Variants in CPT1A observed in about 807,000 individuals in gnomAD.
CPT1A encodes carnitine palmitoyltransferase 1A.
A neutral mutation model predicts 100.8 loss-of-function variants in CPT1A; 64 were observed. The observed-to-expected ratio is 0.63, with a 90% CI of 0.52 to 0.78. CPT1A has a LOEUF of 0.78. Ranked by LOEUF, CPT1A falls within the 30% of genes least tolerant of loss-of-function variation. The pLI, the probability that CPT1A is intolerant of heterozygous loss-of-function variation, is 0.00. For missense variants in CPT1A, 802 were observed against 1,034.1 expected (o/e 0.78, Z 3.08); for synonymous variants, 363 against 396.0 (o/e 0.92, Z 0.99).
chr11:68,757,246 G>C lies in CPT1A; in HGVS notation c.*398C>G, dbSNP rs1039674784. The C allele has an allele frequency of 3.9e-6, 4 of 1,031,604 alleles. No individual in the cohort carries two copies. Among genetic ancestry groups the C allele is most frequent in the East Asian group, 7.2e-5 (1 of 13,966 alleles). 63.9% of individuals were successfully genotyped at this position (1,031,604 alleles called of 1,614,324 possible). On this transcript the variant is annotated 3_prime_UTR_variant, in exon 19 of 19. Transcript: ENST00000265641. The stretch of plus-strand genomic sequence containing the variant: ...TTTTAACAAAACAAAAGTTTACCCT[G>C]CTTGGATGATGCTAAATGCCCTTAA...
At chr11:68,839,486 C>T (rs1203726346) in intron 1 of CPT1A, 10 of 984,784 alleles carry the variant, frequency 1.0e-5, no homozygotes, top group Non-Finnish European at 1.2e-5. Flanking sequence ...CCACAGAGAC[C>T]TTCCGGAGCG....
At chr11:68,826,145 G>A (rs760278324) in intron 1 of CPT1A, among the ~76,000 whole-genome samples, 3 of 152,132 alleles carry the variant, frequency 2.0e-5, no homozygotes, top group Non-Finnish European at 4.4e-5. Flanking sequence ...ATGTACCCCC[G>A]CACTGAAAGC....
intron 1 of CPT1A, among the ~76,000 whole-genome samples, chr11:68,818,980 C>A (rs1461137042): frequency 1.3e-5 from 2 of 152,140 alleles, no homozygotes; most frequent in African/African-American, 4.8e-5. Context: ...GATCACCAAG[C>A]AGATGTTTGC....
rs756023642 is a variant in CPT1A at position 68,812,462 on chromosome 11, T to C, written c.256A>G (p.Lys86Glu). The change falls in exon 3 of 19, where the codon AAA becomes GAA. Residue 86 changes from lysine (K) to glutamate (E), a missense_variant. Lys to Glu is a moderately conservative substitution (Grantham distance 56). Transcript: ENST00000265641. ...GCCGTTTCCAGAGTCCGATTGATTT[T>C]TGCAATTATTCCTAACGAGGGGTCG... The part of the protein sequence containing the change: ...KIDPSLGIIA[K>E]INRTLETANC... The C allele has an allele frequency of 6.2e-7, 1 of 1,614,194 alleles. No individual in the cohort carries two copies. The highest frequency in any genetic ancestry group is 1.1e-5 in the South Asian group (1 of 91,078).
rs934874276 is a variant in CPT1A, at chr11:68,841,140, G to T, written c.-14+635C>A. 6.6e-6 allele frequency among the ~76,000 whole-genome samples: 1 copy of T among 152,250 alleles called. No homozygotes were observed. The highest frequency in any genetic ancestry group is 6.5e-5 in the Admixed American group (1 of 15,292). ...GGAGACGGACGCTGGGATGGGGTCA[G>T]CGGCGCCCTGCCGAATCCCGAGGGC... On this transcript the variant is annotated intron_variant, in intron 1 of 18. Coordinates refer to ENST00000265641, the MANE Select transcript of CPT1A (RefSeq NM_001876.4). This position sits in a 1 kb window ranked among gnomAD's most constrained non-coding sequence, Gnocchi z 6.3.
At chr11:68,786,329 C>G (rs1194899459) in intron 9 of CPT1A, among the ~76,000 whole-genome samples, 3 of 152,082 alleles carry the variant, frequency 2.0e-5, no homozygotes, top group Admixed American at 6.6e-5. Context: ...CCACTGCACT[C>G]CAGCCTGGGT....
rs962353427 is a variant in CPT1A, at chr11:68,841,695, C to T, written c.-14+80G>A. 2 of 793,806 alleles carry T rather than the reference C, an allele frequency of 2.5e-6. No homozygotes were observed. Among genetic ancestry groups the T allele is most frequent in the Non-Finnish European group, 3.1e-6 (2 of 654,444 alleles). The allele number at this position is 793,806 out of a possible 1,614,324, so 49.2% of individuals were successfully genotyped here. A position where few individuals can be genotyped will look rare whatever the true frequency, so the allele number is the denominator to read the frequency against. On this transcript the variant is annotated intron_variant, in intron 1 of 18. Coordinates refer to ENST00000265641, the MANE Select transcript of CPT1A (RefSeq NM_001876.4). This position sits in a 1 kb window ranked among gnomAD's most constrained non-coding sequence, Gnocchi z 6.3. ...CCACCCGGTCCGGTTCCCGGCAGCC[C>T]CGCGCCCCGCCCGTCCCCGGCCCCC...
At chr11:68,803,643 G>A (rs1471644918) in intron 5 of CPT1A, among the ~76,000 whole-genome samples, 2 of 151,794 alleles carry the variant, frequency 1.3e-5, no homozygotes, top group African/African-American at 4.8e-5. Context: ...CCTGGGAGGC[G>A]GAGGTTGCAG....
At position 68,784,836 on chromosome 11, in the gene CPT1A, G is replaced by A. The variant is rs1281807442; in HGVS notation, c.1142C>T (p.Ala381Val). 6.2e-7 allele frequency: 1 copy of A among 1,611,350 alleles called. No homozygotes were observed. The highest frequency in any genetic ancestry group is 8.5e-7 in the Non-Finnish European group (1 of 1,179,976). The change falls in exon 10 of 19, where the codon GCA (alanine) becomes GTA (valine). Residue 381 changes from alanine (A) to valine (V), a missense_variant. Ala to Val is a moderately conservative substitution (Grantham distance 64). This residue lies in a region of CPT1A where 627 missense variants were observed against 799.3 expected (regional missense o/e 0.78). Transcript: ENST00000265641. ...GCACCTGTCTCCTGCGGTGAGGGCT[G>A]CCAGCCTGGCCTCCCCGGGCTGAGG... ...SEPQPGEARLAALTAGDRVPW... is the reference protein window; with the variant it reads ...SEPQPGEARLVALTAGDRVPW...
At chr11:68,796,154 G>C (rs537451268) in intron 7 of CPT1A, among the ~76,000 whole-genome samples, 1 of 152,140 alleles carries the variant, frequency 6.6e-6, no homozygotes, top group Non-Finnish European at 1.5e-5. Flanking sequence ...AGGGTGAAGC[G>C]CAGCGCACTG....
At chr11:68,769,968 G>A (rs1396084104) in intron 14 of CPT1A, among the ~76,000 whole-genome samples, 1 of 151,586 alleles carries the variant, frequency 6.6e-6, no homozygotes, top group African/African-American at 2.4e-5. Context: ...AGAATCACTT[G>A]AACCTGGGAG....
At chr11:68,760,544 T>G (rs1594315580) in intron 16 of CPT1A, among the ~76,000 whole-genome samples, 1 of 145,930 alleles carries the variant, frequency 6.9e-6, no homozygotes, top group African/African-American at 2.6e-5. Context: ...GGGCAGGGAG[T>G]GCAGGGTGGG....
At chr11:68,817,481 A>G (rs1217289679) in intron 1 of CPT1A, among the ~76,000 whole-genome samples, 1 of 152,160 alleles carries the variant, frequency 6.6e-6, no homozygotes, top group African/African-American at 2.4e-5. Flanking sequence ...CCCACAGCTT[A>G]GACCGGGCTA....
intron 7 of CPT1A, among the ~76,000 whole-genome samples, chr11:68,795,278 G>A (rs982227820): frequency 2.6e-5 from 4 of 152,198 alleles, no homozygotes; most frequent in African/African-American, 9.6e-5. Context: ...ATATAGAGCT[G>A]TGCCTGCAGC....
intron 1 of CPT1A, among the ~76,000 whole-genome samples, chr11:68,831,870 C>A (rs1015119599): frequency 6.6e-6 from 1 of 151,934 alleles, no homozygotes; most frequent in Non-Finnish European, 1.5e-5. Flanking sequence ...TGACCCCAAG[C>A]GATCCGTCTG....
chr11:68,785,196 A>T (rs746858979), intron 9 of CPT1A, among the ~76,000 whole-genome samples, 186 bp from the exon 10 acceptor site: 1 of 152,162 alleles, frequency 6.6e-6, no homozygotes, highest in Non-Finnish European at 1.5e-5. Context: ...AAAGCTCTGG[A>T]TCGGAGAGGC....
intron 14 of CPT1A, among the ~76,000 whole-genome samples, chr11:68,771,829 C>T (rs553368849): frequency 6.6e-6 from 1 of 152,360 alleles, no homozygotes; most frequent in South Asian, 2.1e-4. Context: ...CTGGCAAGCA[C>T]CTGGCCTCTC....
rs144747588 is a variant in CPT1A at position 68,762,657 on chromosome 11, G to C, written c.1845C>G (p.Phe615Leu). 6.2e-7 allele frequency: 1 copy of C among 1,613,892 alleles called. No homozygotes were observed. The highest frequency in any genetic ancestry group is 1.1e-5 in the South Asian group (1 of 91,068). The change falls in exon 15 of 19, where the codon TTC (phenylalanine) becomes TTG (leucine). Residue 615 changes from phenylalanine to leucine, a missense_variant. This residue lies in a region of CPT1A where 627 missense variants were observed against 799.3 expected (regional missense o/e 0.78). Coordinates refer to ENST00000265641, the MANE Select transcript of CPT1A (RefSeq NM_001876.4). ...VRSCTTESCD[F>L]VRAMVDPAQT... is the part of the protein sequence containing the mutation. The stretch of plus-strand genomic sequence containing the variant: ...GGGCCGGGTCCACCATGGCCCGCAC[G>C]AAGTCGCATGACTCAGTGGTGCAGG...
At chr11:68,773,095 G>C (rs537361411) in intron 14 of CPT1A, among the ~76,000 whole-genome samples, 170 bp downstream of exon 14, 27 of 152,306 alleles carry the variant, frequency 1.8e-4, no homozygotes, top group Admixed American at 3.3e-4. Context: ...TTGCCCGCGT[G>C]CGTGGTGAAA....
Sources: allele counts gnomAD v4.1 joint callset (sites outside exome capture counted in the v4.1 genomes callset), GRCh38; gene constraint gnomAD v4.1.1; regional missense constraint gnomAD v4.1.1; non-coding constraint Gnocchi (gnomAD v3.1); transcripts MANE v1.5; gene names NCBI Gene and HGNC (gene_info 2026-07-23, HGNC 2026-07-21).